The following OLFM3 variants were observed in gnomAD, a reference collection of about 807,000 sequenced individuals.
OLFM3 encodes the protein olfactomedin 3.
Under a neutral mutation model 48.6 loss-of-function variants are expected in OLFM3, and 20 were observed. The ratio of observed to expected loss-of-function variants is 0.41; its 90% CI spans 0.29 to 0.60. The LOEUF is 0.60. OLFM3 is among the 20% of genes least tolerant of loss of function. OLFM3 has a pLI of 0.28. For synonymous variants in OLFM3, 222 were observed against 198.1 expected (o/e 1.12, Z -1.01); for missense variants, 437 against 544.3 (o/e 0.80, Z 1.96).
At chr1:101,882,331 A>AATAT (rs200162567) in intron 1 of OLFM3, among the ~76,000 whole-genome samples, 16 of 107,400 alleles carry the variant, frequency 1.5e-4, no homozygotes, top group African/African-American at 3.6e-4. Context: ...ATATATATAT[A>AATAT]ATATATATAT....
At chr1:101,881,489 G>A (rs1657523643) in intron 1 of OLFM3, among the ~76,000 whole-genome samples, 1 of 151,756 alleles carries the variant, frequency 6.6e-6, no homozygotes, top group African/African-American at 2.4e-5. Flanking sequence ...TCAGAATGAG[G>A]GAGAAACATT....
intron 1 of OLFM3, among the ~76,000 whole-genome samples, chr1:101,938,676 C>T (rs1488458971): frequency 6.6e-6 from 1 of 152,174 alleles, no homozygotes; most frequent in Non-Finnish European, 1.5e-5. Context: ...GCTGAGCTTT[C>T]CCATTTGCTC....
intron 1 of OLFM3, among the ~76,000 whole-genome samples, chr1:101,837,389 C>T (rs531456082): frequency 6.6e-6 from 1 of 152,124 alleles, no homozygotes; most frequent in Non-Finnish European, 1.5e-5. Flanking sequence ...ATCTTCTTAA[C>T]AGTAAATGAC....
chr1:101,820,778 C>T (rs1654574023), intron 4 of OLFM3, among the ~76,000 whole-genome samples: 1 of 152,002 alleles, frequency 6.6e-6, no homozygotes, highest in Non-Finnish European at 1.5e-5. Context: ...GTGATGTATG[C>T]TGTGACATTT....
chr1:101,892,331 G>A (rs536922264), intron 1 of OLFM3, among the ~76,000 whole-genome samples: 1 of 152,046 alleles, frequency 6.6e-6, no homozygotes, highest in South Asian at 2.1e-4. Context: ...GAATATAAGA[G>A]ACCCCAGCAG....
In OLFM3 at chr1:101,879,512, C is replaced by A. The variant is rs1657435887; in HGVS notation, c.70-42487G>T. 2.6e-5 allele frequency among the ~76,000 whole-genome samples: 4 copies of A among 151,714 alleles called. No individual in the cohort carries two copies. The South Asian group carries it at 8.3e-4, about 31-fold the overall frequency. On this transcript the variant is annotated intron_variant, in intron 1 of 5. Coordinates refer to ENST00000370103, the MANE Select transcript of OLFM3 (RefSeq NM_058170.4). ...GATATTGGTTTCATATTTTATATGT[C>A]TTACTGTTAATGAGCTGTTTTACTT...
chr1:101,845,189 TA>T (rs773027338), intron 1 of OLFM3, among the ~76,000 whole-genome samples: 30 of 152,090 alleles, frequency 2.0e-4, no homozygotes, highest in African/African-American at 3.4e-4. Flanking sequence ...TTATTATTAT[TA>T]TTTTTTTTGC....
chr1:101,994,966 AT>A (rs1459614770), intron 1 of OLFM3, among the ~76,000 whole-genome samples: 1 of 152,080 alleles, frequency 6.6e-6, no homozygotes, highest in Admixed American at 6.5e-5. Context: ...AAAAGATTAT[AT>A]TGACCAAAGA....
chr1:101,886,421 G>A (rs781260298), intron 1 of OLFM3, among the ~76,000 whole-genome samples: 1 of 152,074 alleles, frequency 6.6e-6, no homozygotes, highest in Admixed American at 6.6e-5. Context: ...TGGTAGGTAG[G>A]TGGAGGGTGA....
chr1:101,824,974 C>G, intron 4 of OLFM3, 52 bp downstream of exon 4: 1 of 1,486,802 alleles, frequency 6.7e-7, no homozygotes, highest in Non-Finnish European at 9.3e-7. Flanking sequence ...GCACAATTTT[C>G]TTTGAAACTA....
chr1:101,819,852 G>A (rs1305324652), intron 4 of OLFM3, among the ~76,000 whole-genome samples: 1 of 152,040 alleles, frequency 6.6e-6, no homozygotes, highest in African/African-American at 2.4e-5. Flanking sequence ...CTGAGTATCT[G>A]TTTTAGTGAA....
chr1:101,989,022 T>A (rs1570694347), intron 1 of OLFM3, among the ~76,000 whole-genome samples: 2 of 152,212 alleles, frequency 1.3e-5, no homozygotes, highest in East Asian at 3.9e-4. Flanking sequence ...CATCATTATT[T>A]TATTCTAGGG....
chr1:101,946,055 G>A (rs1356893684), intron 1 of OLFM3, among the ~76,000 whole-genome samples: 1 of 152,160 alleles, frequency 6.6e-6, no homozygotes, highest in Non-Finnish European at 1.5e-5. Flanking sequence ...GAAAATGCCT[G>A]AGGTTAGCGT....
intron 1 of OLFM3, among the ~76,000 whole-genome samples, chr1:101,876,676 T>C (rs543615987): frequency 1.6e-4 from 24 of 152,124 alleles, no homozygotes; most frequent in Non-Finnish European, 2.8e-4. Context: ...AAATTAAATA[T>C]TGTAATTTAT....
At chr1:101,940,341 C>A (rs1368250500) in intron 1 of OLFM3, among the ~76,000 whole-genome samples, 5 of 134,726 alleles carry the variant, frequency 3.7e-5, no homozygotes, top group Non-Finnish European at 4.9e-5. Flanking sequence ...TGTTTTGGAA[C>A]ATTTTTTTTT....
chr1:101,827,590 T>C (rs1654923493), intron 3 of OLFM3, among the ~76,000 whole-genome samples: 1 of 152,296 alleles, frequency 6.6e-6, no homozygotes, highest in Middle Eastern at 3.4e-3. Context: ...TCAAGTATAG[T>C]ACTAGCACCT....
intron 5 of OLFM3, 136 bp downstream of exon 5, chr1:101,805,940 A>G: frequency 1.8e-6 from 1 of 564,600 alleles, no homozygotes; most frequent in Non-Finnish European, 3.1e-6. Flanking sequence ...TAATATTATC[A>G]AACAGAAAAT....
chr1:101,894,386 A>G (rs1189707295), intron 1 of OLFM3, among the ~76,000 whole-genome samples: 1 of 152,158 alleles, frequency 6.6e-6, no homozygotes, highest in East Asian at 1.9e-4. Context: ...CTGATATTTT[A>G]TAAAACAATC....
intron 1 of OLFM3, among the ~76,000 whole-genome samples, chr1:101,972,204 G>T (rs1020543405): frequency 3.9e-5 from 6 of 152,140 alleles, no homozygotes; most frequent in African/African-American, 1.2e-4. Flanking sequence ...TCCTTGAGCA[G>T]ATTGAATGTT....
Sources: gnomAD v4.1 joint callset for allele counts (sites outside exome capture counted in the v4.1 genomes callset) on GRCh38, gnomAD v4.1.1 for gene constraint, MANE v1.5 for transcripts, NCBI Gene and HGNC (gene_info 2026-07-23, HGNC 2026-07-21) for gene names.